The following ANKRD26 variants were observed in gnomAD, a reference collection of about 807,000 sequenced individuals.
ANKRD26 encodes ankyrin repeat domain 26, also known as ankyrin repeat domain-containing protein 26.
A neutral mutation model predicts 208.7 loss-of-function variants in ANKRD26; 141 were observed. The observed-to-expected ratio is 0.68, with a 90% confidence interval of 0.59 to 0.78. The LOEUF is 0.78. ANKRD26 is among the 30% of genes least tolerant of loss of function. The pLI is 0.00. For missense variants in ANKRD26, 1,889 were observed against 1,938.7 expected (o/e 0.97, Z 0.48); for synonymous variants, 636 against 660.4 (o/e 0.96, Z 0.57).
the ANKRD26 span, among the ~76,000 whole-genome samples, chr10:26,955,288 C>T: frequency 5.9e-5 from 9 of 151,718 alleles, no homozygotes; most frequent in African/African-American, 1.5e-4. Context: ...ATTAGCCGGT[C>T]GTGGTGGCAC....
chr10:26,992,817 G>A (rs1463026808), intron 5 of ANKRD26, among the ~76,000 whole-genome samples: 1 of 152,058 alleles, frequency 6.6e-6, no homozygotes, highest in African/African-American at 2.4e-5. Context: ...CTGACAGGTT[G>A]GTTATCTGGG....
downstream of ANKRD26, among the ~76,000 whole-genome samples, chr10:26,988,244 C>G (rs1056382322): frequency 6.6e-6 from 1 of 152,102 alleles, no homozygotes; most frequent in East Asian, 1.9e-4. Context: ...ATTGGGAAAG[C>G]TAAAATTTCT....
In ANKRD26 at chr10:27,077,376, G is replaced by A; in HGVS notation, c.1039C>T (p.Pro347Ser). ...GGGTTTGCTAACGACTTGTGGGAAGGTTTTGGAAGAAGGTCAGGTGATTGA... is the reference window on the plus strand; with the variant it reads ...GGGTTTGCTAACGACTTGTGGGAAGATTTTGGAAGAAGGTCAGGTGATTGA... ...TYQSPDLLPK[P>S]SHKSLANPGL... The change falls in exon 9 of 34, where the codon CCT (proline) becomes TCT (serine). Residue 347 changes from proline (P) to serine (S), a missense_variant. This residue lies in a region of ANKRD26 where 1,272 missense variants were observed against 1,273.8 expected (regional missense o/e 1.00). Coordinates refer to ENST00000376087, the MANE Select transcript of ANKRD26 (RefSeq NM_014915.3). The A allele has an allele frequency of 6.2e-7, 1 of 1,614,078 alleles. No homozygotes were observed. Among genetic ancestry groups the A allele is most frequent in the Non-Finnish European group, 8.5e-7 (1 of 1,179,976 alleles).
intron 3 of ANKRD26, among the ~76,000 whole-genome samples, chr10:26,983,214 A>G (rs2052334722): frequency 6.6e-6 from 1 of 152,194 alleles, no homozygotes; most frequent in African/African-American, 2.4e-5. Context: ...AACATCTTTA[A>G]TATCTATTTG....
At chr10:26,950,399 T>C in the ANKRD26 span, among the ~76,000 whole-genome samples, 4 of 150,626 alleles carry the variant, frequency 2.7e-5, no homozygotes, top group Non-Finnish European at 4.4e-5. Context: ...AATTATCCAG[T>C]CTCAGGTAGT....
chr10:27,077,714 T>A, intron 7 of ANKRD26, 21 bp from the exon 8 acceptor site: 1 of 1,588,294 alleles, frequency 6.3e-7, no homozygotes, highest in Non-Finnish European at 8.6e-7. Context: ...AAAATAAGAA[T>A]AACAAGTTTT....
At chr10:26,959,785 T>G in the ANKRD26 span, among the ~76,000 whole-genome samples, 3 of 152,228 alleles carry the variant, frequency 2.0e-5, no homozygotes, top group East Asian at 5.8e-4. Context: ...TGACTTTGAA[T>G]GCACTGTTGA....
chr10:27,091,359 T>C (rs1174953156), intron 4 of ANKRD26, among the ~76,000 whole-genome samples: 3 of 152,198 alleles, frequency 2.0e-5, no homozygotes, highest in Non-Finnish European at 4.4e-5. Flanking sequence ...TCTTTTCTCT[T>C]TATCACCCAT....
At chr10:27,010,916 T>G (rs1202014335) in intron 32 of ANKRD26, among the ~76,000 whole-genome samples, 4 of 152,084 alleles carry the variant, frequency 2.6e-5, no homozygotes, top group African/African-American at 9.7e-5. Flanking sequence ...AAGACAAAAC[T>G]AAGCTAACAA....
At chr10:26,996,439 A>C (rs753455343) in intron 4 of ANKRD26, among the ~76,000 whole-genome samples, 2 of 152,214 alleles carry the variant, frequency 1.3e-5, no homozygotes, top group Non-Finnish European at 2.9e-5. Flanking sequence ...TCATGCCTGT[A>C]ATCACAGCTA....
At chr10:27,053,171 C>G in intron 16 of ANKRD26, 149 bp downstream of exon 16, 1 of 573,404 alleles carries the variant, frequency 1.7e-6, no homozygotes, top group Non-Finnish European at 3.0e-6. Flanking sequence ...AACATTTTAA[C>G]TAGTCAAAAC....
intron 25 of ANKRD26, among the ~76,000 whole-genome samples, 155 bp from the exon 26 acceptor site, chr10:27,029,511 A>T (rs1281344346): frequency 2.0e-5 from 3 of 152,188 alleles, no homozygotes; most frequent in African/African-American, 7.2e-5. Flanking sequence ...TGTAGAGCTG[A>T]TCTGTTGCAG....
chr10:27,098,496 A>G (rs747791411), intron 1 of ANKRD26, among the ~76,000 whole-genome samples: 1 of 152,218 alleles, frequency 6.6e-6, no homozygotes, highest in Non-Finnish European at 1.5e-5. Context: ...TGCAGAAATC[A>G]TAAAGAAAAA....
exon 6 of ANKRD26, among the ~76,000 whole-genome samples, chr10:26,974,514 G>A (rs937577049): frequency 2.0e-5 from 3 of 151,968 alleles, no homozygotes; most frequent in Non-Finnish European, 4.4e-5. Flanking sequence ...CTAATTTTTT[G>A]TATTTTTAGT....
chr10:27,038,021 T>C lies in ANKRD26; in HGVS notation c.2409A>G (p.Arg803=), dbSNP rs1405050451. The C allele has an allele frequency of 6.2e-7, 1 of 1,611,066 alleles. No homozygotes were observed. Among genetic ancestry groups the C allele is most frequent in the East Asian group, 2.2e-5 (1 of 44,732 alleles). The part of the protein sequence containing the change: ...FSLNQEEEKR[R]NADTLYEKIR... ...TTTTTTCATACAACGTATCAGCATTTCTTCTCTTCTCTTCTTCTTGGTTTA... is the reference window on the plus strand; with the variant it reads ...TTTTTTCATACAACGTATCAGCATTCCTTCTCTTCTCTTCTTCTTGGTTTA... Residue 803 remains arginine (R), a synonymous_variant, in exon 22 of 34, where the codon AGA becomes AGG. Transcript: ENST00000376087.
At position 27,014,277 on chromosome 10, in the gene ANKRD26, C is replaced by T. The variant is rs367827159; in HGVS notation, c.4724+217G>A. Among the ~76,000 whole-genome samples the T allele has an allele frequency of 1.1e-4, 17 of 148,974 alleles. No homozygotes were observed. The East Asian group carries it at 1.8e-3, about 15-fold the overall frequency. ...CCAGTTAACTACCTAAGAATATTAA[C>T]GGAAAAGCCATATAAAATTAAAAAA... On this transcript the variant is annotated intron_variant, in intron 31 of 33. Transcript: ENST00000376087.
intron 27 of ANKRD26, among the ~76,000 whole-genome samples, chr10:27,025,658 C>G (rs1017224484): frequency 4.7e-4 from 71 of 152,154 alleles, no homozygotes; most frequent in African/African-American, 1.7e-3. Context: ...AGTGACCATA[C>G]CCTCCCCTAG....
chr10:27,016,004 G>A (rs2053277282), intron 30 of ANKRD26, among the ~76,000 whole-genome samples: 1 of 152,076 alleles, frequency 6.6e-6, no homozygotes, highest in South Asian at 2.1e-4. Flanking sequence ...TTATTTTAGA[G>A]ACAGGGTCTC....
At chr10:27,080,610 A>G (rs919469058) in intron 6 of ANKRD26, 2 of 982,800 alleles carry the variant, frequency 2.0e-6, no homozygotes, top group Non-Finnish European at 2.4e-6. Flanking sequence ...TTCCCTAAGT[A>G]CTATCTAAAC....
Sources: gnomAD v4.1 joint callset for allele counts (sites outside exome capture counted in the v4.1 genomes callset) on GRCh38, gnomAD v4.1.1 for gene constraint, gnomAD v4.1.1 regional missense constraint, MANE v1.5 for transcripts, NCBI Gene and HGNC (gene_info 2026-07-23, HGNC 2026-07-21) for gene names.